CDKAL1: variants seen among roughly 807,000 people sequenced by gnomAD.
The protein encoded by CDKAL1 is threonylcarbamoyladenosine tRNA methylthiotransferase.
Under a neutral mutation model 68.2 loss-of-function variants are expected in CDKAL1, and 32 were observed. That is an observed-to-expected ratio of 0.47 (90% CI 0.35 to 0.63). The LOEUF (loss-of-function observed/expected upper bound fraction) is 0.63. Among genes scored for constraint, CDKAL1 ranks in the 30% least tolerant of loss-of-function variants. The probability of loss-of-function intolerance (pLI) is 0.00; values close to 1 mark genes in which losing one functional copy is unlikely to be tolerated. For missense variants in CDKAL1, 606 were observed against 696.7 expected (o/e 0.87, Z 1.47); for synonymous variants, 234 against 244.3 (o/e 0.96, Z 0.39).
intron 5 of CDKAL1, among the ~76,000 whole-genome samples, chr6:20,733,063 C>T (rs965826110): frequency 1.3e-5 from 2 of 152,158 alleles, no homozygotes; most frequent in Admixed American, 6.5e-5. Context: ...GCTGCCCAGC[C>T]GCCCCAGTGC....
intron 8 of CDKAL1, among the ~76,000 whole-genome samples, chr6:20,822,637 T>C (rs1382742605): frequency 6.6e-6 from 1 of 152,092 alleles, no homozygotes; most frequent in Non-Finnish European, 1.5e-5. Flanking sequence ...AGAGTCCAGG[T>C]GGAGGTAAAT....
intron 9 of CDKAL1, among the ~76,000 whole-genome samples, chr6:20,940,034 TA>T (rs1336820991): frequency 6.6e-6 from 1 of 152,196 alleles, no homozygotes; most frequent in African/African-American, 2.4e-5. Flanking sequence ...AGTATAGTTT[TA>T]AATACAATAG....
chr6:20,902,091 C>T (rs1337063733), intron 9 of CDKAL1, among the ~76,000 whole-genome samples: 2 of 152,146 alleles, frequency 1.3e-5, no homozygotes, highest in African/African-American at 4.8e-5. Flanking sequence ...CCCCTGACTT[C>T]TAACACTGTG....
chr6:21,062,340 G>C (rs1188128424), intron 11 of CDKAL1, among the ~76,000 whole-genome samples: 1 of 152,128 alleles, frequency 6.6e-6, no homozygotes, highest in Non-Finnish European at 1.5e-5. Flanking sequence ...TAGACCTTTT[G>C]ATAAGAATTA....
intron 9 of CDKAL1, among the ~76,000 whole-genome samples, chr6:20,910,404 T>A (rs1762416477): frequency 6.6e-6 from 1 of 152,226 alleles, no homozygotes; most frequent in Non-Finnish European, 1.5e-5. Flanking sequence ...ATGCCTAGGC[T>A]GAAAATAGTC....
chr6:21,040,726 T>G (rs1769874615), intron 11 of CDKAL1, among the ~76,000 whole-genome samples: 2 of 152,188 alleles, frequency 1.3e-5, no homozygotes, highest in South Asian at 2.1e-4. Flanking sequence ...CCCCAAATAC[T>G]TATACTAAGA....
intron 8 of CDKAL1, among the ~76,000 whole-genome samples, chr6:20,836,034 C>A (rs952603978): frequency 2.6e-5 from 4 of 152,046 alleles, no homozygotes; most frequent in Admixed American, 2.0e-4. Flanking sequence ...AAAAGGGACC[C>A]ATGGGTTTCT....
chr6:20,983,497 G>A (rs1361200101), intron 10 of CDKAL1, among the ~76,000 whole-genome samples: 1 of 152,236 alleles, frequency 6.6e-6, no homozygotes, highest in Admixed American at 6.5e-5. Flanking sequence ...GAGGTGGGCA[G>A]ATGACCTGAG....
intron 2 of CDKAL1, among the ~76,000 whole-genome samples, chr6:20,538,314 G>T (rs1455063338): frequency 3.3e-5 from 5 of 151,532 alleles, no homozygotes; most frequent in Admixed American, 3.3e-4. Context: ...CTGGAATGTG[G>T]TTACTTATTA....
intron 15 of CDKAL1, among the ~76,000 whole-genome samples, chr6:21,213,550 A>G (rs893050071): frequency 6.6e-6 from 1 of 152,126 alleles, no homozygotes; most frequent in Non-Finnish European, 1.5e-5. Flanking sequence ...CCCCCTTTTC[A>G]CTGACTTTGA....
At chr6:20,850,213 A>G (rs538698809) in intron 9 of CDKAL1, among the ~76,000 whole-genome samples, 2 of 152,250 alleles carry the variant, frequency 1.3e-5, no homozygotes, top group South Asian at 4.1e-4. Context: ...TGCCACCAAT[A>G]AATTGTAGTA....
intron 9 of CDKAL1, among the ~76,000 whole-genome samples, chr6:20,851,784 A>T (rs934856727): frequency 6.6e-6 from 1 of 151,660 alleles, no homozygotes; most frequent in Non-Finnish European, 1.5e-5. Context: ...AAGATTAATT[A>T]TGAAATGCAA....
intron 4 of CDKAL1, among the ~76,000 whole-genome samples, chr6:20,577,046 GCCTCCATACACT>G (rs1227335026): frequency 6.6e-6 from 1 of 151,852 alleles, no homozygotes. Context: ...GCCTTTTCAG[GCCTCCATACACT>G]CCTATTACAA....
At chr6:21,102,036 C>G (rs1773601231) in intron 12 of CDKAL1, among the ~76,000 whole-genome samples, 1 of 152,112 alleles carries the variant, frequency 6.6e-6, no homozygotes, top group Non-Finnish European at 1.5e-5. Flanking sequence ...TCTTTAACAC[C>G]ATTAGGAAGC....
At chr6:20,758,094 T>G (rs529211322) in intron 6 of CDKAL1, among the ~76,000 whole-genome samples, 1 of 151,880 alleles carries the variant, frequency 6.6e-6, no homozygotes, top group Non-Finnish European at 1.5e-5. Flanking sequence ...TATTTGACTT[T>G]GTATTTCATG....
At chr6:21,168,372 C>A (rs1475548499) in intron 13 of CDKAL1, among the ~76,000 whole-genome samples, 1 of 152,168 alleles carries the variant, frequency 6.6e-6, no homozygotes, top group African/African-American at 2.4e-5. Flanking sequence ...CCTAACATGT[C>A]AAGCAGCCTA....
chr6:21,140,835 G>T (rs1207868559), intron 13 of CDKAL1, among the ~76,000 whole-genome samples: 2 of 152,174 alleles, frequency 1.3e-5, no homozygotes, highest in Admixed American at 1.3e-4. Context: ...AAGAAAAAGA[G>T]GTTTAATTGG....
chr6:21,158,040 C>T (rs1776731912), intron 13 of CDKAL1, among the ~76,000 whole-genome samples: 1 of 152,090 alleles, frequency 6.6e-6, no homozygotes, highest in Non-Finnish European at 1.5e-5. Context: ...TCTGGCTTTC[C>T]TCTCTGTTAT....
chr6:21,218,138 A>C (rs899105888), intron 15 of CDKAL1, among the ~76,000 whole-genome samples: 1 of 152,234 alleles, frequency 6.6e-6, no homozygotes, highest in Non-Finnish European at 1.5e-5. Context: ...TTCCTTAGCC[A>C]GGTAAATATT....
Sources: gnomAD v4.1 joint callset for allele counts (sites outside exome capture counted in the v4.1 genomes callset) on GRCh38, gnomAD v4.1.1 for gene constraint, MANE v1.5 for transcripts, NCBI Gene and HGNC (gene_info 2026-07-23, HGNC 2026-07-21) for gene names.